The following CGNL1 variants were observed in gnomAD, a reference collection of about 807,000 sequenced individuals.
The protein encoded by CGNL1 is cingulin-like protein 1.
In CGNL1, 132 loss-of-function variants were observed where a neutral mutation model predicts 141.2. The ratio of observed to expected loss-of-function variants is 0.93; its 90% CI spans 0.81 to 1.08. CGNL1 has a LOEUF of 1.08. Ranked by LOEUF, CGNL1 falls within the 50% of genes least tolerant of loss-of-function variation. The pLI is 0.00. For missense variants in CGNL1, 1,870 were observed against 1,588.6 expected (o/e 1.18, Z -3.01); for synonymous variants, 690 against 622.1 (o/e 1.11, Z -1.63).
At chr15:57,547,267 A>G (rs2140264106) in intron 18 of CGNL1, 88 bp from the exon 19 acceptor site, 2 of 1,463,368 alleles carry the variant, frequency 1.4e-6, no homozygotes, top group Non-Finnish European at 1.9e-6. Flanking sequence ...GGGTGCAGGG[A>G]CAGCAACCCA....
chr15:57,513,137 T>TG, intron 8 of CGNL1, among the ~76,000 whole-genome samples: 1 of 152,088 alleles, frequency 6.6e-6, no homozygotes, highest in Non-Finnish European at 1.5e-5. Flanking sequence ...CAGTCACTCC[T>TG]GGCCCCTTCC....
intron 1 of CGNL1, among the ~76,000 whole-genome samples, chr15:57,391,944 G>A (rs577155647): frequency 2.2e-5 from 3 of 137,596 alleles, no homozygotes; most frequent in South Asian, 2.3e-4. Flanking sequence ...TTTTTTGTTC[G>A]CAAAAATAAA....
intron 8 of CGNL1, among the ~76,000 whole-genome samples, chr15:57,512,009 C>A (rs1424226785): frequency 6.6e-6 from 1 of 152,176 alleles, no homozygotes; most frequent in Non-Finnish European, 1.5e-5. Flanking sequence ...ATAATGCCAG[C>A]AACTTCAATG....
At chr15:57,492,863 C>T (rs1243060240) in intron 8 of CGNL1, among the ~76,000 whole-genome samples, 7 of 152,344 alleles carry the variant, frequency 4.6e-5, no homozygotes, top group African/African-American at 1.7e-4. Flanking sequence ...GTCATCTCTA[C>T]ATGCCTCAGG....
intron 14 of CGNL1, among the ~76,000 whole-genome samples, chr15:57,533,588 C>T (rs771553146): frequency 3.3e-5 from 5 of 152,096 alleles, no homozygotes; most frequent in African/African-American, 7.2e-5. Flanking sequence ...GTAATGAGGC[C>T]GTTACAACAG....
At chr15:57,507,102 C>T (rs770835720) in intron 8 of CGNL1, among the ~76,000 whole-genome samples, 8 of 152,234 alleles carry the variant, frequency 5.3e-5, no homozygotes, top group Non-Finnish European at 1.2e-4. Flanking sequence ...CATCCTTTGT[C>T]AACCACTAGT....
intron 1 of CGNL1, among the ~76,000 whole-genome samples, chr15:57,379,934 G>C (rs556547649): frequency 5.3e-5 from 8 of 152,260 alleles, no homozygotes; most frequent in Middle Eastern, 3.4e-3. Context: ...CCCGTGTCCC[G>C]ATTGCAGCCC....
chr15:57,535,905 C>A (rs1394113497), intron 14 of CGNL1, among the ~76,000 whole-genome samples: 3 of 152,162 alleles, frequency 2.0e-5, no homozygotes, highest in Admixed American at 6.5e-5. Flanking sequence ...TCCATTCTTT[C>A]TTTCTCTTAT....
intron 12 of CGNL1, 101 bp downstream of exon 12, chr15:57,524,852 G>C: frequency 8.6e-7 from 1 of 1,166,384 alleles, no homozygotes; most frequent in Non-Finnish European, 1.2e-6. Flanking sequence ...TCGTGAGACA[G>C]CTTTGGTGCT....
chr15:57,549,469 G>T lies in CGNL1; in HGVS notation c.*1979G>T, dbSNP rs1024418764. 10 of 152,192 alleles carry T rather than the reference G, an allele frequency of 6.6e-5. No individual in the cohort carries two copies. Among genetic ancestry groups the T allele is most frequent in the Admixed American group, 1.3e-4 (2 of 15,282 alleles). The allele number at this position is 152,192 out of a possible 1,614,324, so 9.4% of individuals were successfully genotyped here. A position where few individuals can be genotyped will look rare whatever the true frequency, so the allele number is the denominator to read the frequency against. On this transcript the variant is annotated 3_prime_UTR_variant, in exon 19 of 19. Coordinates refer to ENST00000281282, the MANE Select transcript of CGNL1 (RefSeq NM_032866.5). ...AGTGGTCAGCCCAGTTTAAGGGTGG[G>T]AGTCTGGAGCCAGACAGCCAAGCCC...
At chr15:57,386,345 T>C (rs1421894334) in intron 1 of CGNL1, among the ~76,000 whole-genome samples, 1 of 152,202 alleles carries the variant, frequency 6.6e-6, no homozygotes, top group Admixed American at 6.5e-5. Context: ...TTGCTCTGAC[T>C]CTGCACGTGT....
chr15:57,439,151 A>G lies in CGNL1; in HGVS notation c.1152A>G (p.Lys384=), dbSNP rs868838340. Reference sequence around the variant, plus strand: ...ACAGAATTAATACAGATGACAGGAAAAGATCCAGAAGCGTGGATAGCGCCT... The same window carrying G: ...ACAGAATTAATACAGATGACAGGAAGAGATCCAGAAGCGTGGATAGCGCCT... The part of the protein sequence containing the change: ...KRNRINTDDR[K]RSRSVDSAFP... Residue 384 remains lysine (K), a synonymous_variant, in exon 2 of 19, where the codon AAA becomes AAG. Transcript: ENST00000281282. 8 of 1,614,210 alleles carry G rather than the reference A, an allele frequency of 5.0e-6. No individual in the cohort carries two copies. In the Middle Eastern group the frequency reaches 1.3e-3, roughly 266 times the overall value.
At chr15:57,496,064 A>G (rs1245038677) in intron 8 of CGNL1, among the ~76,000 whole-genome samples, 1 of 152,172 alleles carries the variant, frequency 6.6e-6, no homozygotes, top group African/African-American at 2.4e-5. Context: ...TGAGTGAAAG[A>G]CAGGAGGAGG....
At chr15:57,458,217 C>G (rs1253575447) in intron 7 of CGNL1, among the ~76,000 whole-genome samples, 1 of 152,194 alleles carries the variant, frequency 6.6e-6, no homozygotes, top group Non-Finnish European at 1.5e-5. Context: ...TTTTCTTTAA[C>G]TGGATTCCAT....
intron 4 of CGNL1, among the ~76,000 whole-genome samples, chr15:57,450,903 C>A (rs564092109): frequency 6.6e-6 from 1 of 152,220 alleles, no homozygotes; most frequent in South Asian, 2.1e-4. Context: ...TCTGTAGATA[C>A]AGAGGTGCAT....
chr15:57,396,004 A>G (rs1433104268), intron 1 of CGNL1, among the ~76,000 whole-genome samples: 2 of 152,218 alleles, frequency 1.3e-5, no homozygotes, highest in Non-Finnish European at 2.9e-5. Flanking sequence ...TGAACTTCAT[A>G]AAAACAGAAT....
At chr15:57,391,976 C>CA in intron 1 of CGNL1, among the ~76,000 whole-genome samples, 1 of 150,826 alleles carries the variant, frequency 6.6e-6, no homozygotes, top group East Asian at 2.0e-4. Flanking sequence ...TTTTCTTTCC[C>CA]CCCCCTCACC....
At chr15:57,494,403 T>C (rs536109378) in intron 8 of CGNL1, among the ~76,000 whole-genome samples, 16 of 152,338 alleles carry the variant, frequency 1.1e-4, no homozygotes, top group African/African-American at 3.6e-4. Flanking sequence ...ATCCAGGCTG[T>C]GAAAGAGTCC....
intron 1 of CGNL1, chr15:57,393,877 C>G (rs1255751743): frequency 6.6e-6 from 1 of 150,728 alleles, no homozygotes. Flanking sequence ...ACTAACACTT[C>G]TATGTCACTA....
Sources: allele counts gnomAD v4.1 joint callset (sites outside exome capture counted in the v4.1 genomes callset), GRCh38; gene constraint gnomAD v4.1.1; transcripts MANE v1.5; gene names NCBI Gene and HGNC (gene_info 2026-07-23, HGNC 2026-07-21).